DTWD2: variants seen among roughly 807,000 people sequenced by gnomAD.
DTWD2 encodes the protein DTW motif tRNA-uridine aminocarboxypropyltransferase 2, also known as tRNA-uridine aminocarboxypropyltransferase 2.
DTWD2 carries 39 observed loss-of-function variants against 31.8 expected under a neutral mutation model. The ratio of observed to expected loss-of-function variants is 1.22; its 90% CI spans 0.95 to 1.60. The LOEUF (loss-of-function observed/expected upper bound fraction) is 1.60. Ranked by LOEUF, DTWD2 falls within the 40% of genes most tolerant of loss-of-function variation. DTWD2 has a pLI of 0.00. For synonymous variants in DTWD2, 180 were observed against 142.8 expected, an observed-to-expected ratio of 1.26 and a Z score of -1.86; for missense variants, 515 against 381.5, an observed-to-expected ratio of 1.35 and a Z score of -2.92.
intron 2 of DTWD2, among the ~76,000 whole-genome samples, chr5:118,942,370 A>T (rs1024139742): frequency 1.2e-4 from 19 of 152,230 alleles, no homozygotes; most frequent in South Asian, 6.2e-4. Flanking sequence ...AATAATAGAA[A>T]ATTCCTTTGC....
chr5:118,900,361 C>T (rs1044928652), intron 4 of DTWD2, among the ~76,000 whole-genome samples: 1 of 151,978 alleles, frequency 6.6e-6, no homozygotes, highest in African/African-American at 2.4e-5. Context: ...TTAAAAAAAG[C>T]TACTTGTCAT....
intron 4 of DTWD2, among the ~76,000 whole-genome samples, chr5:118,917,058 A>G (rs984629402): frequency 6.6e-6 from 1 of 152,234 alleles, no homozygotes; most frequent in African/African-American, 2.4e-5. Context: ...TGACAAAAAT[A>G]TAATAATATA....
chr5:118,985,079 T>C (rs770003533), intron 1 of DTWD2, among the ~76,000 whole-genome samples: 5 of 152,148 alleles, frequency 3.3e-5, no homozygotes, highest in Non-Finnish European at 7.4e-5. Context: ...TAGTTTATTT[T>C]GCCCTTCCTG....
intron 1 of DTWD2, among the ~76,000 whole-genome samples, chr5:118,965,698 C>T (rs944189972): frequency 9.2e-5 from 14 of 152,084 alleles, no homozygotes; most frequent in African/African-American, 2.9e-4. Flanking sequence ...GGATTAAGGG[C>T]GGTGCAAGAT....
intron 5 of DTWD2, among the ~76,000 whole-genome samples, chr5:118,847,675 T>A (rs1178316926): frequency 6.6e-6 from 1 of 151,726 alleles, no homozygotes; most frequent in Non-Finnish European, 1.5e-5. Flanking sequence ...AACAGAAAGT[T>A]AGTATACGGC....
intron 1 of DTWD2, among the ~76,000 whole-genome samples, chr5:118,973,118 A>C (rs1288745640): frequency 6.7e-6 from 1 of 149,334 alleles, no homozygotes; most frequent in African/African-American, 2.5e-5. Flanking sequence ...TTGCTTGGTA[A>C]ATCTTCCTCC....
At chr5:118,923,836 C>T (rs963037818) in intron 4 of DTWD2, among the ~76,000 whole-genome samples, 43 of 152,184 alleles carry the variant, frequency 2.8e-4, no homozygotes, top group African/African-American at 8.7e-4. Context: ...TCTCTTCCAC[C>T]GGTAACAGCC....
chr5:118,902,198 A>ATATCAATTATCAAT (rs1753227793), intron 4 of DTWD2, among the ~76,000 whole-genome samples: 1 of 152,178 alleles, frequency 6.6e-6, no homozygotes, highest in African/African-American at 2.4e-5. Flanking sequence ...AAAGCTACAA[A>ATATCAATTATCAAT]TGTGCTACTT....
rs557352678 is a variant in DTWD2, at chr5:118,944,417, A to AT, written c.309+141dup. On this transcript the variant is annotated intron_variant, in intron 2 of 5. Transcript: ENST00000510708. The stretch of plus-strand genomic sequence containing the variant: ...TATCAGTTGAAATTAAAAAGAAACT[A>AT]TTTTTTCCAAAAGAGAAAGCATTTA... 2.0e-4 allele frequency: 158 copies of AT among 793,134 alleles called. No homozygotes were observed. In the East Asian group the frequency reaches 4.1e-3, roughly 20 times the overall value. The allele number at this position is 793,134 out of a possible 1,614,324, so 49.1% of individuals were successfully genotyped here.
chr5:118,974,064 C>T, intron 1 of DTWD2: 4 of 1,606,134 alleles, frequency 2.5e-6, no homozygotes, highest in East Asian at 2.2e-5. Flanking sequence ...AAGCGGGCAG[C>T]TGAAGATGAT....
intron 1 of DTWD2, among the ~76,000 whole-genome samples, chr5:118,981,103 T>C (rs1327076421): frequency 1.3e-5 from 2 of 152,146 alleles, no homozygotes; most frequent in Non-Finnish European, 2.9e-5. Flanking sequence ...CAGACACAGA[T>C]AGACAAATAT....
At chr5:118,860,602 T>A (rs949686682) in intron 4 of DTWD2, among the ~76,000 whole-genome samples, 10 of 152,148 alleles carry the variant, frequency 6.6e-5, no homozygotes, top group Non-Finnish European at 1.5e-4. Flanking sequence ...TTACCCTCAA[T>A]AGAGTGGTAA....
intron 1 of DTWD2, among the ~76,000 whole-genome samples, chr5:118,945,800 AAGAAAG>A (rs1166531035): frequency 6.6e-6 from 1 of 151,798 alleles, no homozygotes; most frequent in East Asian, 1.9e-4. Flanking sequence ...GAAAGAAAGA[AAGAAAG>A]AAAGAAATTC....
At chr5:118,950,178 A>G (rs1754429471) in intron 1 of DTWD2, among the ~76,000 whole-genome samples, 1 of 137,986 alleles carries the variant, frequency 7.2e-6, no homozygotes, top group South Asian at 2.2e-4. Flanking sequence ...ACGCCACTGC[A>G]CTCCAGCCTC....
intron 4 of DTWD2, among the ~76,000 whole-genome samples, chr5:118,918,184 A>T (rs1753621127): frequency 6.6e-6 from 1 of 152,200 alleles, no homozygotes; most frequent in South Asian, 2.1e-4. Context: ...CAGAAGCCTA[A>T]ATCCCTTCAG....
intron 1 of DTWD2, among the ~76,000 whole-genome samples, chr5:118,975,991 T>C (rs1755147983): frequency 6.6e-6 from 1 of 152,142 alleles, no homozygotes; most frequent in African/African-American, 2.4e-5. Flanking sequence ...CATAACAGTC[T>C]CTCAGACCAC....
intron 4 of DTWD2, among the ~76,000 whole-genome samples, chr5:118,916,564 T>G (rs918095755): frequency 1.3e-5 from 2 of 148,966 alleles, no homozygotes; most frequent in African/African-American, 5.0e-5. Flanking sequence ...ACTTGGGAGG[T>G]TGAGGCAGGA....
chr5:118,871,186 T>A (rs1752496316), intron 4 of DTWD2, among the ~76,000 whole-genome samples: 1 of 152,218 alleles, frequency 6.6e-6, no homozygotes, highest in South Asian at 2.1e-4. Context: ...TTCATTTGCA[T>A]CTTTAGGTTC....
At chr5:118,927,898 T>C (rs565088821) in intron 4 of DTWD2, among the ~76,000 whole-genome samples, 2 of 152,234 alleles carry the variant, frequency 1.3e-5, no homozygotes, top group African/African-American at 4.8e-5. Context: ...AACATTATTT[T>C]AATAACCAAA....
Sources: allele counts gnomAD v4.1 joint callset (sites outside exome capture counted in the v4.1 genomes callset), GRCh38; gene constraint gnomAD v4.1.1; transcripts MANE v1.5; gene names NCBI Gene and HGNC (gene_info 2026-07-23, HGNC 2026-07-21).